ATG5: variants seen among roughly 807,000 people sequenced by gnomAD.
ATG5 encodes the protein autophagy related 5, also known as autophagy protein 5.
In ATG5, 14 loss-of-function variants were observed where a neutral mutation model predicts 36.5. The ratio of observed to expected loss-of-function variants is 0.38; its 90% confidence interval spans 0.25 to 0.60. ATG5 has a LOEUF of 0.60. Among genes scored for constraint, ATG5 ranks in the 20% least tolerant of loss-of-function variants. ATG5 has a pLI of 0.60. For missense variants in ATG5, 195 were observed against 326.7 expected (o/e 0.60, Z 3.11); for synonymous variants, 95 against 101.5 (o/e 0.94, Z 0.38).
chr6:106,207,890 G>A (rs1490903415), intron 6 of ATG5, among the ~76,000 whole-genome samples: 3 of 152,104 alleles, frequency 2.0e-5, no homozygotes, highest in African/African-American at 2.4e-5. Flanking sequence ...TCGGGAGTCC[G>A]AGACCAGCCT....
At chr6:106,259,311 A>T (rs1162342624) in intron 5 of ATG5, among the ~76,000 whole-genome samples, 1 of 152,230 alleles carries the variant, frequency 6.6e-6, no homozygotes. Context: ...CGTGATATAC[A>T]TAGTGTATCC....
At chr6:106,256,238 G>A (rs1452984389) in intron 5 of ATG5, among the ~76,000 whole-genome samples, 1 of 152,144 alleles carries the variant, frequency 6.6e-6, no homozygotes, top group African/African-American at 2.4e-5. Flanking sequence ...CTATTAATCT[G>A]TTAATGATTA....
intron 6 of ATG5, among the ~76,000 whole-genome samples, chr6:106,247,584 G>A (rs939782751): frequency 1.4e-4 from 22 of 152,138 alleles, no homozygotes; most frequent in African/African-American, 4.6e-4. Context: ...TTATGTTTCC[G>A]TGAGCCCTCG....
At chr6:106,305,015 C>T (rs143928564) in intron 3 of ATG5, among the ~76,000 whole-genome samples, 39 of 150,852 alleles carry the variant, frequency 2.6e-4, no homozygotes, top group Admixed American at 9.9e-4. Context: ...CACTTGAACC[C>T]GGGAGGTGGA....
intron 6 of ATG5, among the ~76,000 whole-genome samples, chr6:106,222,877 A>G (rs1348222606): frequency 6.6e-6 from 1 of 152,232 alleles, no homozygotes; most frequent in Non-Finnish European, 1.5e-5. Context: ...AAAATAATTT[A>G]AAACAGTACC....
intron 3 of ATG5, among the ~76,000 whole-genome samples, chr6:106,298,161 C>G (rs1770047745): frequency 6.6e-6 from 1 of 151,764 alleles, no homozygotes; most frequent in South Asian, 2.1e-4. Flanking sequence ...GATGGGGTTT[C>G]TGTTGGCCAG....
chr6:106,315,687 TAAC>T (rs1433760567), intron 2 of ATG5, among the ~76,000 whole-genome samples: 2 of 152,182 alleles, frequency 1.3e-5, no homozygotes, highest in African/African-American at 4.8e-5. Flanking sequence ...TAGAATCTCC[TAAC>T]TACAAAAGAA....
At chr6:106,237,591 C>T (rs1170708985) in intron 6 of ATG5, among the ~76,000 whole-genome samples, 1 of 152,146 alleles carries the variant, frequency 6.6e-6, no homozygotes, top group Non-Finnish European at 1.5e-5. Context: ...AGGTATTTTA[C>T]AAGATATAAA....
intron 7 of ATG5, among the ~76,000 whole-genome samples, chr6:106,190,957 T>C (rs909333069): frequency 5.3e-5 from 8 of 152,148 alleles, no homozygotes; most frequent in Non-Finnish European, 1.0e-4. Flanking sequence ...AAGGTACTAA[T>C]GAAAGACAAA....
intron 1 of ATG5, among the ~76,000 whole-genome samples, chr6:106,321,709 T>C (rs1480351923): frequency 6.6e-6 from 1 of 152,174 alleles, no homozygotes; most frequent in African/African-American, 2.4e-5. Context: ...TGGGAAGTTT[T>C]CCCCTATGCA....
chr6:106,321,427 C>A (rs585595), intron 1 of ATG5, among the ~76,000 whole-genome samples: 1 of 151,544 alleles, frequency 6.6e-6, no homozygotes, highest in Non-Finnish European at 1.5e-5. Context: ...GGCGCCATCT[C>A]GGCTCACTGC....
intron 4 of ATG5, among the ~76,000 whole-genome samples, chr6:106,287,175 A>G (rs909958452): frequency 6.6e-6 from 1 of 152,262 alleles, no homozygotes; most frequent in Non-Finnish European, 1.5e-5. Context: ...GAACTTCAGG[A>G]AAGAAAAGCT....
chr6:106,258,742 A>G (rs1778897581), intron 5 of ATG5, among the ~76,000 whole-genome samples: 1 of 152,184 alleles, frequency 6.6e-6, no homozygotes, highest in African/African-American at 2.4e-5. Flanking sequence ...CAGCCAATTC[A>G]GGATAACTTA....
chr6:106,294,858 A>AG (rs1780475698), intron 3 of ATG5, among the ~76,000 whole-genome samples: 1 of 151,620 alleles, frequency 6.6e-6, no homozygotes, highest in Admixed American at 6.6e-5. Flanking sequence ...AAAAAAAAAA[A>AG]AAAGAATTTA....
intron 4 of ATG5, among the ~76,000 whole-genome samples, chr6:106,290,583 C>T (rs1279550260): frequency 2.6e-5 from 4 of 152,082 alleles, no homozygotes; most frequent in Non-Finnish European, 4.4e-5. Flanking sequence ...TCCCAATGTG[C>T]CAGGACTGCA....
intron 7 of ATG5, among the ~76,000 whole-genome samples, chr6:106,190,221 A>C (rs540264542): frequency 2.0e-5 from 3 of 152,156 alleles, no homozygotes; most frequent in Non-Finnish European, 4.4e-5. Flanking sequence ...TTTATTTCTC[A>C]CAGTTCTGGA....
At chr6:106,321,650 G>A (rs539206574) in intron 1 of ATG5, among the ~76,000 whole-genome samples, 40 of 152,216 alleles carry the variant, frequency 2.6e-4, no homozygotes, top group African/African-American at 7.7e-4. Flanking sequence ...GAGCCACCGC[G>A]CCTGGCCAAC....
intron 6 of ATG5, among the ~76,000 whole-genome samples, chr6:106,206,250 A>G (rs1353592854): frequency 9.6e-6 from 1 of 104,436 alleles, no homozygotes; most frequent in African/African-American, 3.8e-5. Flanking sequence ...CCCTTCTGCC[A>G]TGTTGGGGGG....
At chr6:106,235,363 C>T (rs1397163888) in intron 6 of ATG5, among the ~76,000 whole-genome samples, 1 of 152,112 alleles carries the variant, frequency 6.6e-6, no homozygotes, top group Admixed American at 6.5e-5. Flanking sequence ...TCGAACGCAC[C>T]CCTCCCGAGG....
Sources: allele counts gnomAD v4.1 joint callset (sites outside exome capture counted in the v4.1 genomes callset), GRCh38; gene constraint gnomAD v4.1.1; transcripts MANE v1.5; gene names NCBI Gene and HGNC (gene_info 2026-07-23, HGNC 2026-07-21).